Variants in FIGNL2 observed in about 807,000 individuals in gnomAD.
FIGNL2 encodes fidgetin like 2.
For missense variants in FIGNL2, 1,060 were observed against 950.2 expected, an observed-to-expected ratio of 1.12 and a Z score of -1.52; for synonymous variants, 565 against 484.0, an observed-to-expected ratio of 1.17 and a Z score of -2.20.
rs185009950 is a variant in FIGNL2, at chr12:51,819,674, T to G, written c.*778A>C. On this transcript the variant is annotated 3_prime_UTR_variant, in exon 2 of 2. Transcript: ENST00000618634. The stretch of plus-strand genomic sequence containing the variant: ...GCAAATTCTACACATTTTACAAAAA[T>G]AAGAAGACTAAAATATGAAACAAGC... 3 of 152,650 alleles carry G rather than the reference T, an allele frequency of 2.0e-5. No individual in the cohort carries two copies. Among genetic ancestry groups the G allele is most frequent in the African/African-American group, 7.2e-5 (3 of 41,552 alleles). The allele number at this position is 152,650 out of a possible 1,614,324, so 9.5% of individuals were successfully genotyped here. A position where few individuals can be genotyped will look rare whatever the true frequency, so the allele number is the denominator to read the frequency against.
Position 51,821,649 on chromosome 12 carries a change from G to A in FIGNL2, c.765C>T (p.Ala255=), listed in dbSNP as rs1175488441. 1.4e-6 allele frequency: 2 copies of A among 1,471,180 alleles called. No homozygotes were observed. The highest frequency in any genetic ancestry group is 2.6e-5 in the South Asian group (2 of 76,158). The allele number at this position is 1,471,180 out of a possible 1,614,324, so 91.1% of individuals were successfully genotyped here. A position where few individuals can be genotyped will look rare whatever the true frequency, so the allele number is the denominator to read the frequency against. The change falls in exon 2 of 2, where the codon GCC becomes GCT. Residue 255 remains alanine (A), a synonymous_variant. Coordinates refer to ENST00000618634, the MANE Select transcript of FIGNL2 (RefSeq NM_001384995.1). ...APPTAYGFPT[A]APGAESGLSL... ...ACAGCCCGGATTCGGCACCCGGCGC[G>A]GCCGTGGGGAAGCCATAGGCGGTGG... is the stretch of plus-strand genomic sequence containing the variant.
Position 51,821,625 on chromosome 12 carries a change from C to T in FIGNL2, c.789G>A (p.Leu263=). 2.7e-6 allele frequency: 4 copies of T among 1,493,390 alleles called. No individual in the cohort carries two copies. Among genetic ancestry groups the T allele is most frequent in the Non-Finnish European group, 3.5e-6 (4 of 1,127,256 alleles). The allele number at this position is 1,493,390 out of a possible 1,614,324, so 92.5% of individuals were successfully genotyped here. A position where few individuals can be genotyped will look rare whatever the true frequency, so the allele number is the denominator to read the frequency against. The change falls in exon 2 of 2, where the codon CTG becomes CTA. Residue 263 remains leucine (L), a synonymous_variant. Coordinates refer to ENST00000618634, the MANE Select transcript of FIGNL2 (RefSeq NM_001384995.1). ...CGTCGGCGGCCTTGCGCTTCAGCGA[C>T]AGCCCGGATTCGGCACCCGGCGCGG... ...PTAAPGAESG[L]SLKRKAADEG...
intron 1 of FIGNL2, among the ~76,000 whole-genome samples, chr12:51,829,419 T>C (rs1246664206): frequency 6.6e-6 from 1 of 152,050 alleles, no homozygotes; most frequent in Admixed American, 6.5e-5. Context: ...AAGGGGACTC[T>C]GGAAGACTGG....
intron 1 of FIGNL2, chr12:51,823,697 AT>A (rs1419481133): frequency 6.6e-6 from 1 of 152,218 alleles, no homozygotes; most frequent in Non-Finnish European, 1.5e-5. Flanking sequence ...GCCGATGATG[AT>A]TTCTCAAAGC....
In FIGNL2 at chr12:51,847,037, G is replaced by C. The variant is rs957681833; in HGVS notation, c.-12+1503C>G. ...GGAAGTCCCGCCCCGCCCCCTGCCCGCAGCTCGCGCGGCCGCCCGGTACCC... is the reference window on the plus strand; with the variant it reads ...GGAAGTCCCGCCCCGCCCCCTGCCCCCAGCTCGCGCGGCCGCCCGGTACCC... On this transcript the variant is annotated intron_variant, in intron 1 of 1. Transcript: ENST00000618634. 20 of 978,688 alleles carry C rather than the reference G, an allele frequency of 2.0e-5. No individual in the cohort carries two copies. The African/African-American group carries it at 3.5e-4, about 17-fold the overall frequency. The allele number at this position is 978,688 out of a possible 1,614,324, so 60.6% of individuals were successfully genotyped here.
At position 51,835,652 on chromosome 12, in the gene FIGNL2, C is replaced by CACAACAAA. The variant is rs200835731; in HGVS notation, c.-12+12887_-12+12888insTTTGTTGT. On this transcript the variant is annotated intron_variant, in intron 1 of 1. Coordinates refer to ENST00000618634, the MANE Select transcript of FIGNL2 (RefSeq NM_001384995.1). ...AGCCACATTCCATATGTTCAACAACCGTATGTGGAAGTGGCCACTGTAGTA... is the reference window on the plus strand; with the variant it reads ...AGCCACATTCCATATGTTCAACAACCACAACAAAGTATGTGGAAGTGGCCACTGTAGTA... Among the ~76,000 whole-genome samples the CACAACAAA allele has an allele frequency of 8.2e-3, 1,249 of 152,270 alleles. 14 individuals are homozygous for CACAACAAA. Among genetic ancestry groups the CACAACAAA allele is most frequent in the African/African-American group, 0.029 (1,208 of 41,534 alleles).
At position 51,818,729 on chromosome 12, in the gene FIGNL2, G is replaced by C. The variant is rs1477969846; in HGVS notation, c.*1723C>G. 1 of 152,380 alleles carries C rather than the reference G, an allele frequency of 6.6e-6. No individual in the cohort carries two copies. The highest frequency in any genetic ancestry group is 2.4e-5 in the African/African-American group (1 of 41,396). 9.4% of individuals were successfully genotyped at this position (152,380 alleles called of 1,614,324 possible). On this transcript the variant is annotated 3_prime_UTR_variant, in exon 2 of 2. Coordinates refer to ENST00000618634, the MANE Select transcript of FIGNL2 (RefSeq NM_001384995.1). Reference sequence around the variant, plus strand: ...GATGGGAGAGAGAAAAAGTGGTGGTGGGGGGGCGTGTCCCCTGCTTTGGAC... The same window carrying C: ...GATGGGAGAGAGAAAAAGTGGTGGTCGGGGGGCGTGTCCCCTGCTTTGGAC...
chr12:51,826,639 TCAA>T (rs1565944021), intron 1 of FIGNL2, among the ~76,000 whole-genome samples: 1 of 28,346 alleles, frequency 3.5e-5, no homozygotes, highest in African/African-American at 1.5e-4. Context: ...AACTCCCATC[TCAA>T]AAAAAAAAAA....
At chr12:51,837,146 A>G (rs1939592297) in intron 1 of FIGNL2, among the ~76,000 whole-genome samples, 1 of 152,050 alleles carries the variant, frequency 6.6e-6, no homozygotes, top group Non-Finnish European at 1.5e-5. Flanking sequence ...GAAGCTCAAG[A>G]CTAGATTAAG....
rs1939191858 is a variant in FIGNL2 at position 51,821,463 on chromosome 12, C to T, written c.951G>A (p.Ala317=). 1 of 1,540,960 alleles carries T rather than the reference C, an allele frequency of 6.5e-7. No homozygotes were observed. Among genetic ancestry groups the T allele is most frequent in the Admixed American group, 1.9e-5 (1 of 52,892 alleles). The change falls in exon 2 of 2, where the codon GCG becomes GCA. Residue 317 remains alanine (A), a synonymous_variant. Coordinates refer to ENST00000618634, the MANE Select transcript of FIGNL2 (RefSeq NM_001384995.1). ...NGFRAKPPGA[A]EEASGKYGGG... is the part of the protein sequence containing the mutation. ...CACCGTACTTGCCCGACGCCTCCTCCGCGGCTCCTGGCGGCTTGGCCCGGA... is the reference window on the plus strand; with the variant it reads ...CACCGTACTTGCCCGACGCCTCCTCTGCGGCTCCTGGCGGCTTGGCCCGGA...
At chr12:51,847,592 G>A (rs957341042) in intron 1 of FIGNL2, 6 of 985,266 alleles carry the variant, frequency 6.1e-6, no homozygotes, top group Middle Eastern at 5.2e-4. Context: ...CCTGCGCTCC[G>A]GGCCGCCGCT....
At chr12:51,823,204 A>G (rs1043372689) in intron 1 of FIGNL2, among the ~76,000 whole-genome samples, 10 of 152,206 alleles carry the variant, frequency 6.6e-5, no homozygotes, top group East Asian at 1.9e-4. Context: ...TTTATTCCCA[A>G]TAGGTCTCAC....
At chr12:51,826,473 CAA>C (rs34534453) in intron 1 of FIGNL2, among the ~76,000 whole-genome samples, 169 of 131,878 alleles carry the variant, frequency 1.3e-3, no homozygotes, top group Middle Eastern at 3.7e-3. Context: ...ACTAAAAATA[CAA>C]AAAAAAAAAA....
chr12:51,831,360 CA>C (rs1939462655), intron 1 of FIGNL2, among the ~76,000 whole-genome samples: 1 of 152,134 alleles, frequency 6.6e-6, no homozygotes, highest in Non-Finnish European at 1.5e-5. Flanking sequence ...CAGGAGAAAA[CA>C]AGGAAAGTGC....
intron 1 of FIGNL2, chr12:51,845,464 C>A (rs1592197135): frequency 2.0e-6 from 2 of 984,588 alleles, no homozygotes; most frequent in Non-Finnish European, 2.4e-6. Context: ...CTCACCGCCC[C>A]CCCCCCACAG....
intron 1 of FIGNL2, chr12:51,848,230 G>C (rs1024229215): frequency 3.0e-6 from 3 of 983,958 alleles, no homozygotes; most frequent in Non-Finnish European, 3.6e-6. Flanking sequence ...AGACGCCCCC[G>C]AGCCGGCTGC....
chr12:51,828,382 G>C (rs1472104512), intron 1 of FIGNL2: 1 of 152,214 alleles, frequency 6.6e-6, no homozygotes, highest in Non-Finnish European at 1.5e-5. Context: ...TTTCTCTGCA[G>C]ACCTTGAAGG....
intron 1 of FIGNL2, chr12:51,844,610 C>A: frequency 1.3e-6 from 1 of 794,292 alleles, no homozygotes; most frequent in Non-Finnish European, 1.5e-6. Flanking sequence ...TATTTTCTCA[C>A]CTCACAGATG....
At chr12:51,846,914 T>C (rs2139005702) in intron 1 of FIGNL2, 1 of 825,090 alleles carries the variant, frequency 1.2e-6, no homozygotes, top group Admixed American at 6.2e-5. Context: ...TGGAAAGAAA[T>C]GAAATGGTGT....
Sources: gnomAD v4.1 joint callset for allele counts (sites outside exome capture counted in the v4.1 genomes callset) on GRCh38, gnomAD v4.1.1 for gene constraint, MANE v1.5 for transcripts, NCBI Gene and HGNC (gene_info 2026-07-23, HGNC 2026-07-21) for gene names.